EIF3CL: variants seen among roughly 807,000 people sequenced by gnomAD.
EIF3CL encodes the protein eukaryotic translation initiation factor 3 subunit C-like protein.
For missense variants in EIF3CL, 5 were observed against 56.1 expected, an observed-to-expected ratio of 0.09 and a Z score of 2.91; for synonymous variants, 2 against 19.6, an observed-to-expected ratio of 0.10 and a Z score of 2.37.
the EIF3CL span, among the ~76,000 whole-genome samples, chr16:28,410,893 G>T: frequency 8.5e-6 from 1 of 117,130 alleles, no homozygotes; most frequent in African/African-American, 3.1e-5. Context: ...GAGCCACCAC[G>T]CCTGGCCAGT....
the EIF3CL span, among the ~76,000 whole-genome samples, chr16:28,418,715 T>C: frequency 1.3e-5 from 2 of 151,778 alleles, no homozygotes; most frequent in Admixed American, 1.3e-4. Flanking sequence ...CTGAAGCCTC[T>C]GCCTCCCAGG....
the EIF3CL span, chr16:28,414,477 C>A: frequency 1.1e-5 from 3 of 282,312 alleles, no homozygotes; most frequent in South Asian, 8.5e-5. Context: ...ACCTGGTCAT[C>A]TGGTGTGCTG....
chr16:28,418,850 G>A, the EIF3CL span, among the ~76,000 whole-genome samples: 5 of 139,160 alleles, frequency 3.6e-5, no homozygotes, highest in East Asian at 4.5e-4. Context: ...GGTTGGTCTC[G>A]AACTCCTGAC....
At chr16:28,419,116 C>T in the EIF3CL span, among the ~76,000 whole-genome samples, 1 of 146,292 alleles carries the variant, frequency 6.8e-6, no homozygotes, top group Non-Finnish European at 1.5e-5. Flanking sequence ...ACGCCATTCT[C>T]CTGCCTCAGC....
At chr16:28,396,616 C>T (rs1347889554) in intron 8 of EIF3CL, among the ~76,000 whole-genome samples, 1 of 82,746 alleles carries the variant, frequency 1.2e-5, no homozygotes, top group South Asian at 3.3e-4. Flanking sequence ...TGCAGTGAGC[C>T]GAGATTGCAC....
At chr16:28,417,208 C>G in the EIF3CL span, among the ~76,000 whole-genome samples, 1 of 148,642 alleles carries the variant, frequency 6.7e-6, no homozygotes, top group African/African-American at 2.5e-5. Context: ...GTCAGCCCCC[C>G]TGCCCGGCGA....
chr16:28,425,662 A>G, the EIF3CL span, among the ~76,000 whole-genome samples: 1 of 90,192 alleles, frequency 1.1e-5, no homozygotes, highest in African/African-American at 4.6e-5. Context: ...TCTTGTAATA[A>G]TGCTACATCG....
the EIF3CL span, among the ~76,000 whole-genome samples, chr16:28,424,081 A>G: frequency 4.5e-5 from 6 of 132,294 alleles, no homozygotes; most frequent in African/African-American, 8.4e-5. Flanking sequence ...TCTGCCTCCC[A>G]GGTTCACGCC....
chr16:28,385,569 G>A (rs2045596830), intron 15 of EIF3CL, among the ~76,000 whole-genome samples: 1 of 79,430 alleles, frequency 1.3e-5, no homozygotes, highest in Non-Finnish European at 2.8e-5. Flanking sequence ...CTTGCATAAG[G>A]ACAGACAAAA....
intron 2 of EIF3CL, among the ~76,000 whole-genome samples, chr16:28,403,144 G>T (rs2045667410): frequency 7.2e-6 from 1 of 138,282 alleles, no homozygotes; most frequent in Non-Finnish European, 1.6e-5. Context: ...CGCATCAGGG[G>T]GCTCCCAGAT....
At chr16:28,417,944 G>A in the EIF3CL span, among the ~76,000 whole-genome samples, 1 of 141,020 alleles carries the variant, frequency 7.1e-6, no homozygotes, top group African/African-American at 2.5e-5. Flanking sequence ...TCAGGAGGCT[G>A]AGGCAGCAGT....
the EIF3CL span, chr16:28,414,796 A>T: frequency 2.2e-6 from 1 of 463,722 alleles, no homozygotes; most frequent in South Asian, 1.6e-5. Context: ...CGTGGAGGTG[A>T]CGAGTTCCCC....
At chr16:28,421,854 T>C in the EIF3CL span, among the ~76,000 whole-genome samples, 25 of 136,604 alleles carry the variant, frequency 1.8e-4, no homozygotes, top group Admixed American at 1.9e-3. Flanking sequence ...ATTTTTCTCT[T>C]GCTATCTGCC....
chr16:28,417,244 C>G, the EIF3CL span, among the ~76,000 whole-genome samples: 2 of 149,506 alleles, frequency 1.3e-5, no homozygotes, highest in African/African-American at 5.0e-5. Context: ...AAGTGAGGGG[C>G]GCCTCTGCCC....
the EIF3CL span, among the ~76,000 whole-genome samples, chr16:28,419,242 G>A: frequency 1.1e-3 from 167 of 150,808 alleles, 1 homozygote; most frequent in African/African-American, 3.4e-3. Context: ...TCCTGACCTC[G>A]TGATCCGCCT....
At chr16:28,418,917 AC>A in the EIF3CL span, among the ~76,000 whole-genome samples, 3 of 146,424 alleles carry the variant, frequency 2.0e-5, no homozygotes, top group African/African-American at 7.5e-5. Context: ...GGCCTGAGCC[AC>A]CCCACCTGGC....
At chr16:28,418,780 C>T in the EIF3CL span, among the ~76,000 whole-genome samples, 1 of 149,122 alleles carries the variant, frequency 6.7e-6, no homozygotes, top group African/African-American at 2.4e-5. Context: ...CAGGCACCTG[C>T]CACCACACTC....
At chr16:28,417,845 TCAAA>T in the EIF3CL span, among the ~76,000 whole-genome samples, 1 of 114,370 alleles carries the variant, frequency 8.7e-6, no homozygotes, top group Non-Finnish European at 1.9e-5. Flanking sequence ...AAAAAAAAAC[TCAAA>T]TAAAGTTTGC....
At chr16:28,415,842 C>CTCCGTCTCCG in the EIF3CL span, among the ~76,000 whole-genome samples, 1 of 84,038 alleles carries the variant, frequency 1.2e-5, no homozygotes, top group African/African-American at 3.7e-5. Flanking sequence ...CTCCCTCTCC[C>CTCCGTCTCCG]TCTCCCTCTC....
Sources: allele counts gnomAD v4.1 joint callset (sites outside exome capture counted in the v4.1 genomes callset), GRCh38; gene constraint gnomAD v4.1.1; transcripts MANE v1.5; gene names NCBI Gene and HGNC (gene_info 2026-07-23, HGNC 2026-07-21).